The following AGAP1 variants were observed in gnomAD, a reference collection of about 807,000 sequenced individuals.
AGAP1 encodes arf-GAP with GTPase, ANK repeat and PH domain-containing protein 1.
In AGAP1, 29 loss-of-function variants were observed where a neutral mutation model predicts 105.3. The ratio of observed to expected loss-of-function variants is 0.28; its 90% CI spans 0.21 to 0.38. AGAP1 has a LOEUF of 0.38. AGAP1 is among the 10% of genes least tolerant of loss of function. The probability of loss-of-function intolerance (pLI) is 1.00; values close to 1 mark genes in which losing one functional copy is unlikely to be tolerated. For missense variants in AGAP1, 998 were observed against 1,165.1 expected (o/e 0.86, Z 2.09); for synonymous variants, 509 against 485.9 (o/e 1.05, Z -0.63).
At chr2:236,059,792 A>T (rs946055112) in intron 16 of AGAP1, among the ~76,000 whole-genome samples, 2 of 151,988 alleles carry the variant, frequency 1.3e-5, no homozygotes, top group South Asian at 4.2e-4. Flanking sequence ...ATGAAGTTAG[A>T]CTCTTATCTA....
At chr2:235,818,155 A>G (rs1380054593) in intron 9 of AGAP1, among the ~76,000 whole-genome samples, 1 of 152,216 alleles carries the variant, frequency 6.6e-6, no homozygotes, top group Non-Finnish European at 1.5e-5. Flanking sequence ...TGTAATAAGA[A>G]TGCTGGCAGT....
intron 16 of AGAP1, among the ~76,000 whole-genome samples, chr2:236,086,978 A>G (rs2058945634): frequency 6.6e-6 from 1 of 151,630 alleles, no homozygotes; most frequent in African/African-American, 2.4e-5. Context: ...CAGTGGGGGA[A>G]AAAAGTTTTG....
rs1559238316 is a variant in AGAP1, at chr2:236,062,654, G to GTTTA, written c.2114+13376_2114+13377insATTT. 6.6e-6 allele frequency among the ~76,000 whole-genome samples: 1 copy of GTTTA among 151,316 alleles called. No individual in the cohort carries two copies. Among genetic ancestry groups the GTTTA allele is most frequent in the African/African-American group, 2.4e-5 (1 of 41,076 alleles). ...CCACACTCAGCTATTTTGTTTGTTTGTTTGTTTGTTTTTGTTTGTTTGTTT... is the reference window on the plus strand; with the variant it reads ...CCACACTCAGCTATTTTGTTTGTTTGTTTATTTGTTTGTTTTTGTTTGTTTGTTT... On this transcript the variant is annotated intron_variant, in intron 16 of 17. Transcript: ENST00000304032. The surrounding 1 kb of genome is among the most constrained non-coding windows in gnomAD (Gnocchi z 4.2).
At chr2:235,949,500 G>A (rs750033096) in intron 12 of AGAP1, among the ~76,000 whole-genome samples, 4 of 152,084 alleles carry the variant, frequency 2.6e-5, no homozygotes, top group Non-Finnish European at 4.4e-5. Flanking sequence ...CCGTGTCTCC[G>A]GATCATCATC....
intron 1 of AGAP1, among the ~76,000 whole-genome samples, chr2:235,632,186 C>T (rs549715414): frequency 3.9e-5 from 6 of 152,318 alleles, no homozygotes; most frequent in South Asian, 2.1e-4. Context: ...AGAGCTTAGC[C>T]GCCCTGGCAG....
rs1238378162 is a variant in AGAP1, at chr2:235,788,493, T to TG, written c.674-9263dup. On this transcript the variant is annotated intron_variant, in intron 6 of 17. Transcript: ENST00000304032. The surrounding 1 kb of genome is among the most constrained non-coding windows in gnomAD (Gnocchi z 6.0). ...AGGTGAGGCAGGGTGGGGAGAGGAG[T>TG]GGGAGGGTAGGTGAGGCGGGGTGAG... 7.5e-6 allele frequency among the ~76,000 whole-genome samples: 1 copy of TG among 132,700 alleles called. No homozygotes were observed. The highest frequency in any genetic ancestry group is 7.6e-5 in the Admixed American group (1 of 13,194). The allele number at this position is 132,700 out of a possible 152,430, so 87.1% of individuals were successfully genotyped here.
intron 9 of AGAP1, among the ~76,000 whole-genome samples, chr2:235,861,234 A>T (rs76265732): frequency 0.01 from 1,569 of 152,320 alleles, 34 homozygotes; most frequent in African/African-American, 0.036. Context: ...AATGTGATGA[A>T]TCAGAGGATT....
In AGAP1 at chr2:235,992,315, G is replaced by A. The variant is rs115068922; in HGVS notation, c.1645+23692G>A. Among the ~76,000 whole-genome samples the A allele has an allele frequency of 0.042, 6,323 of 152,270 alleles. 201 individuals are homozygous for A. The highest frequency in any genetic ancestry group is 0.071 in the Middle Eastern group (21 of 294). On this transcript the variant is annotated intron_variant, in intron 13 of 17. Transcript: ENST00000304032. This position sits in a 1 kb window ranked among gnomAD's most constrained non-coding sequence, Gnocchi z 4.8. ...CGGGTGGCCTGGGCGAGTGCCTCAC[G>A]CTCCCGTCAGTGCTCTCAGCTGTAA... is the stretch of plus-strand genomic sequence containing the variant.
At position 235,889,207 on chromosome 2, in the gene AGAP1, C is replaced by A. The variant is rs994349406; in HGVS notation, c.1155+5758C>A. On this transcript the variant is annotated intron_variant, in intron 10 of 17. Transcript: ENST00000304032. This position sits in a 1 kb window ranked among gnomAD's most constrained non-coding sequence, Gnocchi z 4.6. Reference sequence around the variant, plus strand: ...GTCGGTATGTGGCCGTGCTGTGCACCGAGCTCGTGGAATCCCAGCAGGATG... The same window carrying A: ...GTCGGTATGTGGCCGTGCTGTGCACAGAGCTCGTGGAATCCCAGCAGGATG... Among the ~76,000 whole-genome samples, 1 of 152,166 alleles carries A rather than the reference C, an allele frequency of 6.6e-6. No individual in the cohort carries two copies. The highest frequency in any genetic ancestry group is 1.5e-5 in the Non-Finnish European group (1 of 68,036).
intron 1 of AGAP1, among the ~76,000 whole-genome samples, chr2:235,594,893 T>G (rs923026020): frequency 4.0e-5 from 6 of 150,956 alleles, no homozygotes; most frequent in African/African-American, 4.9e-5. Context: ...GTTTTTTTTT[T>G]TTTTTTTTTT....
intron 13 of AGAP1, among the ~76,000 whole-genome samples, chr2:236,022,054 CAAAA>C (rs55810820): frequency 0.41 from 36,620 of 89,186 alleles, 5,115 homozygotes; most frequent in South Asian, 0.51. Flanking sequence ...GACCCTGTCT[CAAAA>C]AAAAAAAAAA....
chr2:236,016,242 A>C (rs2056698158), intron 13 of AGAP1, among the ~76,000 whole-genome samples: 1 of 152,214 alleles, frequency 6.6e-6, no homozygotes, highest in South Asian at 2.1e-4. Flanking sequence ...AATAGAAGTT[A>C]AGAAACGGTC....
rs895368174 is a variant in AGAP1 at position 235,701,710 on chromosome 2, A to G, written c.164-7469A>G. On this transcript the variant is annotated intron_variant, in intron 1 of 17. Transcript: ENST00000304032. The surrounding 1 kb of genome is among the most constrained non-coding windows in gnomAD (Gnocchi z 4.1). ...CTAAGTCCTACATTTGAAAGTCATC[A>G]GCGGATTATGTCTGATCCAGTTTGC... Among the ~76,000 whole-genome samples the G allele has an allele frequency of 3.3e-5, 5 of 152,204 alleles. No homozygotes were observed. Among genetic ancestry groups the G allele is most frequent in the African/African-American group, 1.2e-4 (5 of 41,458 alleles).
At position 235,724,557 on chromosome 2, in the gene AGAP1, C is replaced by T. The variant is rs1356020497; in HGVS notation, c.310+6913C>T. Reference sequence around the variant, plus strand: ...GTAGGGCAGGGGAAGTCAGTGCCCTCCCAGATGGAAAAGGTACCTGCGGTG... The same window carrying T: ...GTAGGGCAGGGGAAGTCAGTGCCCTTCCAGATGGAAAAGGTACCTGCGGTG... On this transcript the variant is annotated intron_variant, in intron 3 of 17. Transcript: ENST00000304032. This position sits in a 1 kb window ranked among gnomAD's most constrained non-coding sequence, Gnocchi z 4.9. 2.6e-5 allele frequency among the ~76,000 whole-genome samples: 4 copies of T among 152,140 alleles called. No homozygotes were observed. The highest frequency in any genetic ancestry group is 5.9e-5 in the Non-Finnish European group (4 of 68,032).
intron 9 of AGAP1, among the ~76,000 whole-genome samples, chr2:235,862,454 A>T (rs928696522): frequency 6.6e-6 from 1 of 152,094 alleles, no homozygotes; most frequent in Non-Finnish European, 1.5e-5. Flanking sequence ...TGTAGGGTGC[A>T]TTTTCCATGC....
At chr2:235,540,443 G>A (rs920249031) in intron 1 of AGAP1, among the ~76,000 whole-genome samples, 3 of 152,266 alleles carry the variant, frequency 2.0e-5, no homozygotes, top group South Asian at 4.1e-4. Context: ...GTGAGCCATC[G>A]TACCCAACCT....
chr2:235,573,001 TTC>T (rs1239004132), intron 1 of AGAP1, among the ~76,000 whole-genome samples: 285 of 24,334 alleles, frequency 0.012, 25 homozygotes, highest in African/African-American at 0.051. Context: ...CTTCTTCTTC[TTC>T]TTCTTCTTCT....
chr2:235,840,621 G>A (rs1960711363), intron 9 of AGAP1, among the ~76,000 whole-genome samples: 1 of 152,182 alleles, frequency 6.6e-6, no homozygotes, highest in Non-Finnish European at 1.5e-5. Flanking sequence ...CGGTAGAGCA[G>A]CATTCCCAGA....
At chr2:235,669,514 C>A in intron 1 of AGAP1, 1 of 151,006 alleles carries the variant, frequency 6.6e-6, no homozygotes, top group South Asian at 1.8e-4. Flanking sequence ...GCCGCCGCCG[C>A]CGCCGCGCTC....
Sources: allele counts gnomAD v4.1 joint callset (sites outside exome capture counted in the v4.1 genomes callset), GRCh38; gene constraint gnomAD v4.1.1; non-coding constraint Gnocchi (gnomAD v3.1); transcripts MANE v1.5; gene names NCBI Gene and HGNC (gene_info 2026-07-23, HGNC 2026-07-21).